The following DOK6 variants were observed in gnomAD, a reference collection of about 807,000 sequenced individuals.
DOK6 encodes the protein downstream of tyrosine kinase 6.
In DOK6, 22 loss-of-function variants were observed where a neutral mutation model predicts 44.0. The observed-to-expected ratio is 0.50, with a 90% CI of 0.36 to 0.71. The LOEUF is 0.71. Among genes scored for constraint, DOK6 ranks in the 30% least tolerant of loss-of-function variants. The pLI, the probability that DOK6 is intolerant of heterozygous loss-of-function variation, is 0.00. For synonymous variants in DOK6, 166 were observed against 145.5 expected (o/e 1.14, Z -1.01); for missense variants, 340 against 416.4 (o/e 0.82, Z 1.60).
At chr18:69,460,904 T>C (rs2122474209) in intron 1 of DOK6, among the ~76,000 whole-genome samples, 1 of 152,330 alleles carries the variant, frequency 6.6e-6, no homozygotes, top group African/African-American at 2.4e-5. Context: ...TGCTTCATAC[T>C]TGGTCTTTTG....
At chr18:69,461,110 T>C (rs1003418002) in intron 1 of DOK6, among the ~76,000 whole-genome samples, 1 of 152,186 alleles carries the variant, frequency 6.6e-6, no homozygotes, top group Non-Finnish European at 1.5e-5. Context: ...TTAATAGTAG[T>C]AGTGGTATTG....
Position 69,550,029 on chromosome 18 carries a change from T to G in DOK6, c.67-14458T>G, listed in dbSNP as rs938214311. Among the ~76,000 whole-genome samples the G allele has an allele frequency of 9.3e-5, 14 of 151,270 alleles. 1 individual carries two copies. The highest frequency in any genetic ancestry group is 1.8e-4 in the Non-Finnish European group (12 of 67,596). On this transcript the variant is annotated intron_variant, in intron 1 of 7. Transcript: ENST00000382713. Reference sequence around the variant, plus strand: ...TTTAGAAATGTTAATTTTATTAAGTTTATAAAGTGTAATCATCTTGCATTT... The same window carrying G: ...TTTAGAAATGTTAATTTTATTAAGTGTATAAAGTGTAATCATCTTGCATTT...
At chr18:69,476,519 G>A (rs1980269798) in intron 1 of DOK6, among the ~76,000 whole-genome samples, 1 of 151,592 alleles carries the variant, frequency 6.6e-6, no homozygotes. Context: ...TCAGAAGGAG[G>A]GATTAGAGAA....
intron 1 of DOK6, among the ~76,000 whole-genome samples, chr18:69,495,589 C>T (rs543398768): frequency 1.3e-5 from 2 of 152,244 alleles, no homozygotes; most frequent in South Asian, 2.1e-4. Flanking sequence ...CAGCTATAGG[C>T]GGGCCCAGAA....
intron 1 of DOK6, among the ~76,000 whole-genome samples, chr18:69,477,340 TAC>T (rs1980295351): frequency 6.6e-6 from 1 of 152,194 alleles, no homozygotes; most frequent in Non-Finnish European, 1.5e-5. Flanking sequence ...TAGTAGGGTG[TAC>T]CTGGGAGCAA....
chr18:69,496,508 T>G (rs1980895328), intron 1 of DOK6, among the ~76,000 whole-genome samples: 1 of 152,250 alleles, frequency 6.6e-6, no homozygotes, highest in Non-Finnish European at 1.5e-5. Flanking sequence ...CTATTTTCAG[T>G]GGACCTATAT....
intron 1 of DOK6, among the ~76,000 whole-genome samples, chr18:69,495,500 T>C (rs554378086): frequency 6.6e-6 from 1 of 152,134 alleles, no homozygotes. Flanking sequence ...GTTGTCCCAG[T>C]GGCTGCTCAG....
chr18:69,568,283 A>G (rs977897525), intron 2 of DOK6, among the ~76,000 whole-genome samples: 2 of 152,214 alleles, frequency 1.3e-5, no homozygotes, highest in African/African-American at 4.8e-5. Flanking sequence ...TTATGGCTAC[A>G]TAGCTGTGTT....
intron 3 of DOK6, among the ~76,000 whole-genome samples, chr18:69,669,309 T>C (rs564613424): frequency 6.6e-6 from 1 of 152,334 alleles, no homozygotes; most frequent in African/African-American, 2.4e-5. Flanking sequence ...AGTGTCCATG[T>C]GTACTTCGTG....
At chr18:69,412,912 A>G (rs948755945) in intron 1 of DOK6, among the ~76,000 whole-genome samples, 1 of 152,126 alleles carries the variant, frequency 6.6e-6, no homozygotes, top group Non-Finnish European at 1.5e-5. Flanking sequence ...CAAAAGAGGC[A>G]ATTCAGTGGA....
At chr18:69,735,766 C>G (rs1045231509) in intron 5 of DOK6, among the ~76,000 whole-genome samples, 5 of 152,152 alleles carry the variant, frequency 3.3e-5, no homozygotes, top group African/African-American at 1.2e-4. Context: ...TAGCATGGCC[C>G]AAGGTCTCAG....
At chr18:69,670,744 G>A (rs555380793) in intron 3 of DOK6, among the ~76,000 whole-genome samples, 3 of 152,050 alleles carry the variant, frequency 2.0e-5, no homozygotes, top group Admixed American at 6.5e-5. Flanking sequence ...TCTTGACCTC[G>A]TGATCCTCCC....
chr18:69,632,622 C>T (rs1984714908), intron 3 of DOK6, among the ~76,000 whole-genome samples: 1 of 152,140 alleles, frequency 6.6e-6, no homozygotes, highest in Non-Finnish European at 1.5e-5. Context: ...AAGGTACTGT[C>T]CTCTTGACTG....
intron 7 of DOK6, among the ~76,000 whole-genome samples, chr18:69,761,585 C>T (rs1434847638): frequency 2.6e-5 from 4 of 152,076 alleles, no homozygotes; most frequent in Non-Finnish European, 4.4e-5. Context: ...TGGTCGTGGT[C>T]GGGTGGATCT....
intron 6 of DOK6, among the ~76,000 whole-genome samples, chr18:69,755,180 A>G (rs1291184823): frequency 6.6e-6 from 1 of 152,232 alleles, no homozygotes; most frequent in Admixed American, 6.5e-5. Flanking sequence ...GTAAAACAAT[A>G]CAGGGTGATT....
intron 7 of DOK6, among the ~76,000 whole-genome samples, chr18:69,790,519 CTAAG>C (rs1044070918): frequency 1.3e-5 from 2 of 152,044 alleles, no homozygotes; most frequent in Non-Finnish European, 2.9e-5. Flanking sequence ...GAAGCATGCG[CTAAG>C]TAAGAATTTT....
chr18:69,514,850 TTG>T (rs71176974), intron 1 of DOK6, among the ~76,000 whole-genome samples: 1,331 of 101,888 alleles, frequency 0.013, 8 homozygotes, highest in African/African-American at 0.02. Context: ...TTTTTTTTTT[TTG>T]AAGAAACAGA....
At chr18:69,574,806 TC>T (rs886606378) in intron 2 of DOK6, among the ~76,000 whole-genome samples, 3 of 152,030 alleles carry the variant, frequency 2.0e-5, no homozygotes, top group African/African-American at 7.2e-5. Flanking sequence ...CAGAAAAAAA[TC>T]CATTTTTGTG....
chr18:69,485,463 G>A (rs1300613730), intron 1 of DOK6, among the ~76,000 whole-genome samples: 1 of 152,116 alleles, frequency 6.6e-6, no homozygotes, highest in African/African-American at 2.4e-5. Context: ...ATTTCACTCT[G>A]TCCCGTGGAT....
Sources: allele counts gnomAD v4.1 joint callset (sites outside exome capture counted in the v4.1 genomes callset), GRCh38; gene constraint gnomAD v4.1.1; transcripts MANE v1.5; gene names NCBI Gene and HGNC (gene_info 2026-07-23, HGNC 2026-07-21).